Variants in MCOLN2 observed in about 807,000 individuals in gnomAD.
MCOLN2 encodes mucolipin TRP cation channel 2, also known as mucolipin-2.
Under a neutral mutation model 67.5 loss-of-function variants are expected in MCOLN2, and 57 were observed. That is an observed-to-expected ratio of 0.84 (90% CI 0.68 to 1.05). MCOLN2 has a LOEUF of 1.05. Ranked by LOEUF, MCOLN2 falls within the 50% of genes least tolerant of loss-of-function variation. The pLI is 0.00. For missense variants in MCOLN2, 620 were observed against 678.8 expected (o/e 0.91, Z 0.96); for synonymous variants, 246 against 233.3 (o/e 1.05, Z -0.50).
chr1:84,993,653 T>G (rs925447730), intron 1 of MCOLN2, among the ~76,000 whole-genome samples: 8 of 142,000 alleles, frequency 5.6e-5, no homozygotes, highest in African/African-American at 2.1e-4. Flanking sequence ...AGACGGAGTC[T>G]CGCTCTGTCG....
chr1:84,960,530 A>G (rs767619230), intron 2 of MCOLN2, among the ~76,000 whole-genome samples: 4 of 152,228 alleles, frequency 2.6e-5, no homozygotes, highest in Non-Finnish European at 4.4e-5. Flanking sequence ...ACATTCCTCA[A>G]ATGCCATGTC....
At position 84,952,439 on chromosome 1, in the gene MCOLN2, T is replaced by C; in HGVS notation, c.650+7A>G. ...TCTTAGGGAATAACACTTTAAAATG[T>C]ATTTACCGATAAAATTCCAGTCTGA... On this transcript the variant is annotated splice_region_variant and intron_variant, in intron 5 of 13. Transcript: ENST00000370608. 1 of 1,606,718 alleles carries C rather than the reference T, an allele frequency of 6.2e-7. No individual in the cohort carries two copies. The highest frequency in any genetic ancestry group is 8.5e-7 in the Non-Finnish European group (1 of 1,173,256).
chr1:84,935,207 CA>C (rs1344895189), intron 11 of MCOLN2, among the ~76,000 whole-genome samples: 1 of 152,174 alleles, frequency 6.6e-6, no homozygotes, highest in Non-Finnish European at 1.5e-5. Flanking sequence ...TTCAAAGAGG[CA>C]GCAATATGGT....
Position 84,958,679 on chromosome 1 carries a change from G to T in MCOLN2, c.261C>A (p.Asn87Lys). The T allele has an allele frequency of 6.3e-7, 1 of 1,581,334 alleles. No individual in the cohort carries two copies. The highest frequency in any genetic ancestry group is 2.3e-5 in the East Asian group (1 of 43,920). ...CTTCTTTGAAAGCAACCACCAGCTG[G>T]TTACTTAAACCAAAACGAACAAGCT... ...TTQLVRFGLS[N>K]QLVVAFKEDN... Residue 87 changes from asparagine to lysine, a missense_variant, in exon 3 of 14, where the codon AAC becomes AAA. Physicochemically the swap from Asn to Lys is moderately conservative, Grantham distance 94. Coordinates refer to ENST00000370608, the MANE Select transcript of MCOLN2 (RefSeq NM_153259.4).
chr1:84,932,015 C>T (rs1248646829), intron 11 of MCOLN2, among the ~76,000 whole-genome samples: 2 of 145,754 alleles, frequency 1.4e-5, no homozygotes, highest in Non-Finnish European at 3.0e-5. Flanking sequence ...CACAGCGAGA[C>T]CCTGTCTCTT....
intron 11 of MCOLN2, among the ~76,000 whole-genome samples, chr1:84,932,495 G>A (rs1162755979): frequency 2.0e-5 from 3 of 152,118 alleles, no homozygotes; most frequent in African/African-American, 7.2e-5. Context: ...TTACAGGCAT[G>A]AGCCACTGTG....
chr1:84,955,346 G>A (rs980168490), intron 4 of MCOLN2, among the ~76,000 whole-genome samples: 4 of 152,146 alleles, frequency 2.6e-5, no homozygotes, highest in Admixed American at 6.5e-5. Flanking sequence ...GATAGTTAGG[G>A]AATGGCTTTC....
At position 84,929,626 on chromosome 1, in the gene MCOLN2, T is replaced by G. The variant is rs141117950; in HGVS notation, c.1596A>C (p.Glu532Asp). ...PETDLQEFLK[E>D]CSSKEEYQKE... ...TCTGATACTCTTCTTTGCTACTGCA[T>G]TCCTTCAGGAATTCCTGCAAATCCG... The change falls in exon 13 of 14, where the codon GAA (glutamate) becomes GAC (aspartate). Residue 532 changes from glutamate (E) to aspartate (D), a missense_variant. Glu to Asp is a conservative substitution (Grantham distance 45, BLOSUM62 2). Coordinates refer to ENST00000370608, the MANE Select transcript of MCOLN2 (RefSeq NM_153259.4). The G allele has an allele frequency of 9.3e-6, 15 of 1,613,896 alleles. No individual in the cohort carries two copies. In the African/African-American group the frequency reaches 1.6e-4, roughly 17 times the overall value.
chr1:84,990,637 G>A (rs1239817213), intron 1 of MCOLN2, among the ~76,000 whole-genome samples: 2 of 152,004 alleles, frequency 1.3e-5, no homozygotes, highest in Admixed American at 6.6e-5. Flanking sequence ...GTCAGCATAA[G>A]CTGGGCATGG....
chr1:84,929,517 C>A, intron 13 of MCOLN2, 41 bp downstream of exon 13: 2 of 1,552,968 alleles, frequency 1.3e-6, no homozygotes, highest in Non-Finnish European at 1.8e-6. Flanking sequence ...GACAACAGAA[C>A]AGCCCATCTC....
At chr1:84,977,216 C>T (rs186424120) in intron 1 of MCOLN2, among the ~76,000 whole-genome samples, 1 of 152,022 alleles carries the variant, frequency 6.6e-6, no homozygotes, top group African/African-American at 2.4e-5. Context: ...TTACAAGCCT[C>T]ATGGTAACCT....
chr1:84,958,570 G>C lies in MCOLN2; in HGVS notation c.370C>G (p.Gln124Glu). Residue 124 changes from glutamine (Q) to glutamate (E), a missense_variant, in exon 3 of 14, where the codon CAA becomes GAA. Coordinates refer to ENST00000370608, the MANE Select transcript of MCOLN2 (RefSeq NM_153259.4). Reference sequence around the variant, plus strand: ...AAGATGCTCTCATAGGCATCCTCTTGAGTATATACACTGCAGCTGTAGTCA... The same window carrying C: ...AAGATGCTCTCATAGGCATCCTCTTCAGTATATACACTGCAGCTGTAGTCA... The part of the protein sequence containing the change: ...EDDYSCSVYT[Q>E]EDAYESIFFA... 3 of 1,605,160 alleles carry C rather than the reference G, an allele frequency of 1.9e-6. No homozygotes were observed. Among genetic ancestry groups the C allele is most frequent in the Non-Finnish European group, 1.7e-6 (2 of 1,178,260 alleles).
At chr1:84,972,969 A>G (rs1291844927) in intron 1 of MCOLN2, among the ~76,000 whole-genome samples, 1 of 152,158 alleles carries the variant, frequency 6.6e-6, no homozygotes, top group Non-Finnish European at 1.5e-5. Flanking sequence ...CTACTTGACA[A>G]GGGGCCTGAA....
At chr1:84,989,206 T>G (rs1021280144) in intron 1 of MCOLN2, among the ~76,000 whole-genome samples, 63 of 152,180 alleles carry the variant, frequency 4.1e-4, no homozygotes, top group African/African-American at 1.5e-3. Flanking sequence ...AACAAATGAA[T>G]CAATAATGAG....
intron 2 of MCOLN2, among the ~76,000 whole-genome samples, chr1:84,964,868 G>A (rs1571004548): frequency 7.6e-6 from 1 of 132,364 alleles, no homozygotes; most frequent in South Asian, 2.4e-4. Flanking sequence ...AAGCCATGGG[G>A]AGCAGCTAAA....
At chr1:84,963,145 A>T (rs758775432) in intron 2 of MCOLN2, among the ~76,000 whole-genome samples, 14 of 152,198 alleles carry the variant, frequency 9.2e-5, no homozygotes, top group Admixed American at 3.9e-4. Context: ...AAATTACTTA[A>T]CTCCCTTTGC....
chr1:84,981,351 C>CA (rs1650247279), intron 1 of MCOLN2, among the ~76,000 whole-genome samples: 1 of 152,202 alleles, frequency 6.6e-6, no homozygotes, highest in Non-Finnish European at 1.5e-5. Flanking sequence ...GAGATATCTG[C>CA]ACTCTCATGT....
chr1:84,939,167 T>A (rs892721318), intron 9 of MCOLN2, among the ~76,000 whole-genome samples: 2 of 152,136 alleles, frequency 1.3e-5, no homozygotes, highest in African/African-American at 4.8e-5. Context: ...TAGCGGGCAG[T>A]CTGACATTCC....
intron 1 of MCOLN2, among the ~76,000 whole-genome samples, chr1:84,978,180 T>G (rs1650082182): frequency 6.6e-6 from 1 of 151,958 alleles, no homozygotes; most frequent in Non-Finnish European, 1.5e-5. Flanking sequence ...AAAAATTTCT[T>G]GAAACAAATG....
Sources: allele counts gnomAD v4.1 joint callset (sites outside exome capture counted in the v4.1 genomes callset), GRCh38; gene constraint gnomAD v4.1.1; transcripts MANE v1.5; gene names NCBI Gene and HGNC (gene_info 2026-07-23, HGNC 2026-07-21).